Variants in LEKR1 observed in about 807,000 individuals in gnomAD.
LEKR1 encodes the protein protein LEKR1.
A neutral mutation model predicts 72.4 loss-of-function variants in LEKR1; 59 were observed. That is an observed-to-expected ratio of 0.82 (90% confidence interval 0.66 to 1.01). LEKR1 has a LOEUF of 1.01. LEKR1 is among the 50% of genes least tolerant of loss of function. The probability of loss-of-function intolerance (pLI) is 0.00; values close to 1 mark genes in which losing one functional copy is unlikely to be tolerated. For synonymous variants in LEKR1, 257 were observed against 263.2 expected (o/e 0.98, Z 0.23); for missense variants, 728 against 759.2 (o/e 0.96, Z 0.48).
chr3:156,940,783 A>T (rs774713209), intron 5 of LEKR1, among the ~76,000 whole-genome samples: 5 of 152,176 alleles, frequency 3.3e-5, no homozygotes, highest in Non-Finnish European at 4.4e-5. Flanking sequence ...AGAAAGTCAC[A>T]TTGACATGAG....
At chr3:156,855,991 AC>A (rs1347672169) in intron 3 of LEKR1, among the ~76,000 whole-genome samples, 1 of 131,554 alleles carries the variant, frequency 7.6e-6, no homozygotes, top group African/African-American at 3.9e-5. Flanking sequence ...AAGACTTCAT[AC>A]AATGAAAGCA....
chr3:156,890,292 A>G (rs536478841), intron 3 of LEKR1, among the ~76,000 whole-genome samples: 2 of 152,322 alleles, frequency 1.3e-5, no homozygotes, highest in South Asian at 4.1e-4. Flanking sequence ...TTAAATGCCA[A>G]AATAAAGAGA....
In LEKR1 at chr3:156,867,227, TTATTA is replaced by T. The variant is rs535252886; in HGVS notation, c.263+14248_263+14252del. 1.6e-4 allele frequency among the ~76,000 whole-genome samples: 25 copies of T among 152,246 alleles called. No individual in the cohort carries two copies. In the South Asian group the frequency reaches 5.2e-3, roughly 32 times the overall value. On this transcript the variant is annotated intron_variant, in intron 3 of 12. Transcript: ENST00000356539. The stretch of plus-strand genomic sequence containing the variant: ...TAGTATAATTCTCTGCTGAGATAGC[TTATTA>T]TAAGTAAGACGACTATAAAATTTGT...
At chr3:156,992,849 A>G in intron 8 of LEKR1, 119 bp downstream of exon 8, 1 of 340,828 alleles carries the variant, frequency 2.9e-6, no homozygotes, top group South Asian at 7.6e-5. Flanking sequence ...TTACATATAA[A>G]ATACCTAATT....
intron 3 of LEKR1, among the ~76,000 whole-genome samples, chr3:156,874,611 T>C (rs1465922998): frequency 6.6e-6 from 1 of 152,106 alleles, no homozygotes; most frequent in Non-Finnish European, 1.5e-5. Context: ...TTAGCGGTAA[T>C]TTCTGAGATT....
intron 10 of LEKR1, among the ~76,000 whole-genome samples, chr3:157,015,308 T>C (rs1021569889): frequency 3.9e-5 from 6 of 152,124 alleles, no homozygotes; most frequent in African/African-American, 1.4e-4. Flanking sequence ...TTGCATATGT[T>C]TATGATCAAT....
At chr3:157,017,963 A>G (rs74530446) in intron 10 of LEKR1, among the ~76,000 whole-genome samples, 3 of 86,190 alleles carry the variant, frequency 3.5e-5, no homozygotes, top group East Asian at 2.6e-4. Context: ...AAAAAAAAAA[A>G]AAAAAAAAAG....
chr3:156,870,795 T>G (rs911936439), intron 3 of LEKR1, among the ~76,000 whole-genome samples: 8 of 152,142 alleles, frequency 5.3e-5, no homozygotes, highest in Admixed American at 3.3e-4. Flanking sequence ...CCATTCAGAA[T>G]GATGTTAGCT....
intron 6 of LEKR1, among the ~76,000 whole-genome samples, chr3:156,951,319 T>TTCTC (rs1727136088): frequency 6.7e-6 from 1 of 150,298 alleles, no homozygotes; most frequent in Non-Finnish European, 1.5e-5. Flanking sequence ...TTGGCCTGAA[T>TTCTC]TTTTTTGTGT....
chr3:156,955,604 A>G (rs921109479), intron 6 of LEKR1, among the ~76,000 whole-genome samples: 32 of 152,028 alleles, frequency 2.1e-4, no homozygotes, highest in African/African-American at 6.8e-4. Context: ...TGAGATCATC[A>G]TGTGGTTTTT....
At chr3:156,994,944 CTCT>C (rs989736924) in intron 9 of LEKR1, among the ~76,000 whole-genome samples, 1 of 152,180 alleles carries the variant, frequency 6.6e-6, no homozygotes, top group Non-Finnish European at 1.5e-5. Context: ...GTTTCTGGAA[CTCT>C]TCTCCAAGGA....
intron 7 of LEKR1, among the ~76,000 whole-genome samples, chr3:156,988,962 G>A (rs1730933733): frequency 6.6e-6 from 1 of 152,030 alleles, no homozygotes; most frequent in African/African-American, 2.4e-5. Flanking sequence ...CTCCCGAGTA[G>A]CTGAGATTAC....
rs148668902 is a variant in LEKR1, at chr3:156,905,205, C to G, written c.264-15370C>G. ...TTAGCAAAGGTAAATATTTCTGATC[C>G]TTAACTCAATAGGGCAAGCACCCTT... On this transcript the variant is annotated intron_variant, in intron 3 of 12. Transcript: ENST00000356539. Among the ~76,000 whole-genome samples, 729 of 152,154 alleles carry G rather than the reference C, an allele frequency of 4.8e-3. 7 individuals are homozygous for G. The highest frequency in any genetic ancestry group is 0.017 in the African/African-American group (703 of 41,532).
intron 10 of LEKR1, among the ~76,000 whole-genome samples, chr3:157,019,832 G>C (rs1048147324): frequency 1.1e-4 from 16 of 152,088 alleles, no homozygotes; most frequent in African/African-American, 3.4e-4. Flanking sequence ...TCATAATTTT[G>C]TTCAAACTAA....
At chr3:156,882,694 C>G in intron 3 of LEKR1, among the ~76,000 whole-genome samples, 1 of 152,160 alleles carries the variant, frequency 6.6e-6, no homozygotes, top group African/African-American at 2.4e-5. Flanking sequence ...TATAAAGACA[C>G]ATGCACACGT....
intron 9 of LEKR1, among the ~76,000 whole-genome samples, chr3:157,004,987 G>A (rs556076747): frequency 1.3e-5 from 2 of 152,042 alleles, no homozygotes; most frequent in South Asian, 4.1e-4. Context: ...GACAATATCA[G>A]TGAAACAAAA....
At chr3:156,849,140 G>A (rs1467217912) in intron 2 of LEKR1, among the ~76,000 whole-genome samples, 1 of 150,418 alleles carries the variant, frequency 6.6e-6, no homozygotes. Context: ...CAAATCATGA[G>A]TGAACTCCCA....
intron 7 of LEKR1, among the ~76,000 whole-genome samples, chr3:156,985,131 G>A (rs568927098): frequency 2.6e-4 from 39 of 152,252 alleles, no homozygotes; most frequent in African/African-American, 9.4e-4. Flanking sequence ...TTTACTGAGA[G>A]CCAGGACTAT....
chr3:157,022,133 CCTGTACTCTG>C (rs1351406182), intron 10 of LEKR1, among the ~76,000 whole-genome samples: 2 of 152,104 alleles, frequency 1.3e-5, no homozygotes, highest in African/African-American at 2.4e-5. Flanking sequence ...TGGAATCTAG[CCTGTACTCTG>C]CTCATCAAGT....
Sources: allele counts gnomAD v4.1 joint callset (sites outside exome capture counted in the v4.1 genomes callset), GRCh38; gene constraint gnomAD v4.1.1; transcripts MANE v1.5; gene names NCBI Gene and HGNC (gene_info 2026-07-23, HGNC 2026-07-21).